ERBB4: variants seen among roughly 807,000 people sequenced by gnomAD.
The protein encoded by ERBB4 is erb-b2 receptor tyrosine kinase 4, also known as receptor tyrosine-protein kinase erbB-4.
Under a neutral mutation model 158.0 loss-of-function variants are expected in ERBB4, and 42 were observed. That is an observed-to-expected ratio of 0.27 (90% CI 0.21 to 0.34). The LOEUF is 0.34. Among genes scored for constraint, ERBB4 ranks in the 10% least tolerant of loss-of-function variants. ERBB4 has a pLI of 1.00. For synonymous variants in ERBB4, 583 were observed against 558.7 expected, an observed-to-expected ratio of 1.04 and a Z score of -0.61; for missense variants, 1,333 against 1,624.1, an observed-to-expected ratio of 0.82 and a Z score of 3.08.
intron 1 of ERBB4, among the ~76,000 whole-genome samples, chr2:212,523,821 T>C (rs1019476469): frequency 6.6e-6 from 1 of 151,980 alleles, no homozygotes; most frequent in Non-Finnish European, 1.5e-5. Context: ...CTTATCATCA[T>C]AGAAGAGGTT....
chr2:211,487,860 AAG>A (rs1182104850), intron 20 of ERBB4, among the ~76,000 whole-genome samples: 3 of 152,058 alleles, frequency 2.0e-5, no homozygotes, highest in Non-Finnish European at 2.9e-5. Context: ...TGGTGTAATG[AAG>A]AGAGAGGAAA....
chr2:212,115,239 CTT>C, intron 2 of ERBB4, among the ~76,000 whole-genome samples: 1 of 151,904 alleles, frequency 6.6e-6, no homozygotes, highest in Middle Eastern at 3.4e-3. Context: ...TATTTTTACA[CTT>C]TTGATCCTTA....
At chr2:212,446,752 T>C (rs2092365573) in intron 1 of ERBB4, among the ~76,000 whole-genome samples, 1 of 149,330 alleles carries the variant, frequency 6.7e-6, no homozygotes, top group Non-Finnish European at 1.5e-5. Flanking sequence ...AGGCTCCATG[T>C]GCTTCACTAG....
At chr2:212,358,549 T>C (rs1337473237) in intron 1 of ERBB4, among the ~76,000 whole-genome samples, 4 of 151,800 alleles carry the variant, frequency 2.6e-5, no homozygotes, top group African/African-American at 9.7e-5. Flanking sequence ...AGCTAATTTA[T>C]AATTGGAGTT....
At chr2:212,411,902 G>A (rs149828270) in intron 1 of ERBB4, among the ~76,000 whole-genome samples, 70 of 152,184 alleles carry the variant, frequency 4.6e-4, no homozygotes, top group Admixed American at 7.2e-4. Context: ...CAGGACCCAA[G>A]ATAACACCAT....
At chr2:212,263,956 G>C (rs2085037620) in intron 1 of ERBB4, among the ~76,000 whole-genome samples, 1 of 151,932 alleles carries the variant, frequency 6.6e-6, no homozygotes, top group Admixed American at 6.6e-5. Context: ...TGGCTTGTCT[G>C]TCCTACTAAA....
intron 20 of ERBB4, among the ~76,000 whole-genome samples, chr2:211,472,991 A>C (rs953133653): frequency 6.6e-6 from 1 of 151,970 alleles, no homozygotes; most frequent in South Asian, 2.1e-4. Context: ...TGCCTCCCCC[A>C]GGGATATATG....
At chr2:211,970,968 A>G (rs1007900672) in intron 2 of ERBB4, among the ~76,000 whole-genome samples, 2 of 152,158 alleles carry the variant, frequency 1.3e-5, no homozygotes, top group Non-Finnish European at 2.9e-5. Context: ...GCTTTACAGC[A>G]TCACTGGTCT....
chr2:211,431,157 T>A (rs2063741483), intron 20 of ERBB4, 57 bp from the exon 21 acceptor site: 2 of 1,529,228 alleles, frequency 1.3e-6, no homozygotes, highest in Non-Finnish European at 1.8e-6. Flanking sequence ...TTTCCCATTT[T>A]TCTAAAACAA....
intron 19 of ERBB4, among the ~76,000 whole-genome samples, chr2:211,574,109 C>T (rs2067821766): frequency 2.6e-5 from 4 of 152,124 alleles, no homozygotes; most frequent in Admixed American, 2.0e-4. Flanking sequence ...GGAATAAAAT[C>T]GTTAAGCAAT....
At chr2:211,638,314 A>G (rs191031596) in intron 16 of ERBB4, among the ~76,000 whole-genome samples, 1 of 152,138 alleles carries the variant, frequency 6.6e-6, no homozygotes, top group African/African-American at 2.4e-5. Flanking sequence ...AAACACCAGG[A>G]AACATTGAAA....
intron 1 of ERBB4, among the ~76,000 whole-genome samples, chr2:212,535,725 T>C (rs2106355575): frequency 6.6e-6 from 1 of 152,328 alleles, no homozygotes. Flanking sequence ...ATAAAATGCA[T>C]AATTGAAAAT....
Position 211,476,540 on chromosome 2 carries a change from C to T in ERBB4, c.2488-45440G>A, listed in dbSNP as rs1353302708. Among the ~76,000 whole-genome samples, 5 of 148,326 alleles carry T rather than the reference C, an allele frequency of 3.4e-5. No homozygotes were observed. The South Asian group carries it at 8.5e-4, about 25-fold the overall frequency. On this transcript the variant is annotated intron_variant, in intron 20 of 27. Transcript: ENST00000342788. The stretch of plus-strand genomic sequence containing the variant: ...GAAGAGTAGAAGAATCTAAGTTTCT[C>T]TTTAAGAAATACTATAAATAAAAAA...
chr2:212,076,832 A>G (rs1313565904), intron 2 of ERBB4, among the ~76,000 whole-genome samples: 1 of 151,962 alleles, frequency 6.6e-6, no homozygotes, highest in Non-Finnish European at 1.5e-5. Flanking sequence ...GTCCATCAAA[A>G]GACAGCTTAA....
chr2:212,364,722 G>A (rs2089818413), intron 1 of ERBB4, among the ~76,000 whole-genome samples: 1 of 151,732 alleles, frequency 6.6e-6, no homozygotes, highest in African/African-American at 2.4e-5. Context: ...GCTGTGAGCA[G>A]ACTCTAAATA....
intron 2 of ERBB4, among the ~76,000 whole-genome samples, chr2:211,963,574 GATAA>G (rs1348230959): frequency 1.3e-5 from 2 of 152,172 alleles, no homozygotes; most frequent in African/African-American, 4.8e-5. Context: ...TGGATGGATA[GATAA>G]ATAAATATCT....
chr2:212,364,421 C>T (rs1171173584), intron 1 of ERBB4, among the ~76,000 whole-genome samples: 1 of 151,514 alleles, frequency 6.6e-6, no homozygotes, highest in Non-Finnish European at 1.5e-5. Flanking sequence ...AGTAGGGAAG[C>T]CAGGGATAAT....
intron 3 of ERBB4, among the ~76,000 whole-genome samples, chr2:211,861,335 T>TG (rs2078044088): frequency 5.4e-5 from 4 of 73,928 alleles, no homozygotes; most frequent in South Asian, 1.1e-3. Context: ...GTGTTTTTTT[T>TG]TTTGTTTTTT....
chr2:211,646,816 C>A (rs1253541254), intron 16 of ERBB4, among the ~76,000 whole-genome samples: 1 of 151,606 alleles, frequency 6.6e-6, no homozygotes, highest in African/African-American at 2.4e-5. Context: ...CCACAACCTG[C>A]TATTTTCCAT....
Sources: allele counts gnomAD v4.1 joint callset (sites outside exome capture counted in the v4.1 genomes callset), GRCh38; gene constraint gnomAD v4.1.1; transcripts MANE v1.5; gene names NCBI Gene and HGNC (gene_info 2026-07-23, HGNC 2026-07-21).